The following LRRC4C variants were observed in gnomAD, a reference collection of about 807,000 sequenced individuals.
LRRC4C encodes leucine rich repeat containing 4C.
A neutral mutation model predicts 33.6 loss-of-function variants in LRRC4C; 5 were observed. The ratio of observed to expected loss-of-function variants is 0.15; its 90% CI spans 0.08 to 0.31. LRRC4C has a LOEUF of 0.31. Among genes scored for constraint, LRRC4C ranks in the 10% least tolerant of loss-of-function variants. The pLI is 1.00. For missense variants in LRRC4C, 560 were observed against 796.7 expected, an observed-to-expected ratio of 0.70 and a Z score of 3.58; for synonymous variants, 329 against 302.0, an observed-to-expected ratio of 1.09 and a Z score of -0.93.
At chr11:41,080,492 C>T (rs1939492921) in intron 1 of LRRC4C, among the ~76,000 whole-genome samples, 1 of 151,988 alleles carries the variant, frequency 6.6e-6, no homozygotes, top group African/African-American at 2.4e-5. Context: ...GCTGGGATTA[C>T]AGGCATGTGC....
chr11:41,248,505 C>T (rs1003399333), intron 1 of LRRC4C, among the ~76,000 whole-genome samples: 6 of 152,176 alleles, frequency 3.9e-5, no homozygotes, highest in Admixed American at 6.5e-5. Context: ...TCAGGAGGGT[C>T]CTTTGAATGG....
chr11:40,521,808 G>A (rs1259309215), intron 3 of LRRC4C, among the ~76,000 whole-genome samples: 3 of 152,092 alleles, frequency 2.0e-5, no homozygotes, highest in Non-Finnish European at 4.4e-5. Flanking sequence ...GCTGGAAATT[G>A]CAGGGAGCTG....
Position 41,268,850 on chromosome 11 carries a change from A to G in LRRC4C, c.-496+190581T>C, listed in dbSNP as rs137986275. On this transcript the variant is annotated intron_variant, in intron 1 of 6. Coordinates refer to ENST00000528697, the MANE Select transcript of LRRC4C (RefSeq NM_001258419.2). ...ATGCTCTTCAGACACTTGTTTTGATAGAATCATAGATAGCTAAAGAAAAAA... is the reference window on the plus strand; with the variant it reads ...ATGCTCTTCAGACACTTGTTTTGATGGAATCATAGATAGCTAAAGAAAAAA... Among the ~76,000 whole-genome samples the G allele has an allele frequency of 5.6e-3, 858 of 151,888 alleles. 7 individuals are homozygous for G. Among genetic ancestry groups the G allele is most frequent in the South Asian group, 0.016 (78 of 4,802 alleles).
chr11:40,475,722 T>C (rs144545441), intron 3 of LRRC4C, among the ~76,000 whole-genome samples: 2 of 152,228 alleles, frequency 1.3e-5, no homozygotes, highest in Non-Finnish European at 2.9e-5. Context: ...ACAATTGATA[T>C]TTATACAACT....
chr11:40,985,385 TATC>T (rs1246844456), intron 1 of LRRC4C, among the ~76,000 whole-genome samples: 1 of 152,144 alleles, frequency 6.6e-6, no homozygotes, highest in African/African-American at 2.4e-5. Context: ...AAAAGTACCT[TATC>T]ATAACTATGG....
At chr11:40,422,214 G>A (rs534262340) in intron 3 of LRRC4C, among the ~76,000 whole-genome samples, 1 of 152,208 alleles carries the variant, frequency 6.6e-6, no homozygotes, top group South Asian at 2.1e-4. Flanking sequence ...CACAAGAAAT[G>A]AAGTGTTCCA....
intron 6 of LRRC4C, among the ~76,000 whole-genome samples, chr11:40,122,541 G>T (rs972360344): frequency 2.6e-5 from 4 of 152,020 alleles, no homozygotes; most frequent in African/African-American, 4.8e-5. Context: ...GTCAAACTTC[G>T]AATTCTTAAT....
intron 2 of LRRC4C, among the ~76,000 whole-genome samples, chr11:40,757,515 GT>G (rs1441129278): frequency 2.7e-5 from 4 of 149,994 alleles, no homozygotes; most frequent in African/African-American, 9.8e-5. Context: ...ATTTGTTTTT[GT>G]TTTGTTTTGT....
At chr11:40,728,796 T>C (rs1439325413) in intron 2 of LRRC4C, among the ~76,000 whole-genome samples, 3 of 152,112 alleles carry the variant, frequency 2.0e-5, no homozygotes, top group Non-Finnish European at 4.4e-5. Context: ...GAATAATACA[T>C]AGCCATAAAA....
intron 1 of LRRC4C, among the ~76,000 whole-genome samples, chr11:40,961,455 T>A (rs1183516564): frequency 6.6e-6 from 1 of 151,702 alleles, no homozygotes; most frequent in African/African-American, 2.4e-5. Context: ...ATTGCAAACT[T>A]CCCAATATCA....
chr11:41,292,558 A>G (rs1701654354), intron 1 of LRRC4C, among the ~76,000 whole-genome samples: 1 of 152,028 alleles, frequency 6.6e-6, no homozygotes, highest in Admixed American at 6.6e-5. Context: ...TATTTTAAAT[A>G]CAATATAATA....
At chr11:40,746,891 G>A (rs1274170446) in intron 2 of LRRC4C, among the ~76,000 whole-genome samples, 1 of 152,180 alleles carries the variant, frequency 6.6e-6, no homozygotes, top group African/African-American at 2.4e-5. Context: ...CAATGTTAAT[G>A]TGTACTGCTC....
At chr11:40,567,934 C>T (rs1265417375) in intron 3 of LRRC4C, among the ~76,000 whole-genome samples, 1 of 152,104 alleles carries the variant, frequency 6.6e-6, no homozygotes, top group Non-Finnish European at 1.5e-5. Context: ...TCTTCAAAGT[C>T]TGGTTAAAAT....
chr11:40,425,958 C>G (rs1950695769), intron 3 of LRRC4C, among the ~76,000 whole-genome samples: 1 of 151,660 alleles, frequency 6.6e-6, no homozygotes, highest in South Asian at 2.1e-4. Flanking sequence ...CAACTCTATG[C>G]TAAGTACTGT....
rs149135870 is a variant in LRRC4C, at chr11:40,846,109, T to G, written c.-407+87526A>C. On this transcript the variant is annotated intron_variant, in intron 2 of 6. Transcript: ENST00000528697. ...TGTCAGATGGACAGATTGCAAAAAT[T>G]TTCTCCCATTCTGTAGGTTGCCTGT... Among the ~76,000 whole-genome samples, 779 of 152,188 alleles carry G rather than the reference T, an allele frequency of 5.1e-3. 6 individuals carry two copies. The highest frequency in any genetic ancestry group is 0.018 in the African/African-American group (739 of 41,540).
intron 2 of LRRC4C, among the ~76,000 whole-genome samples, chr11:40,717,168 A>C (rs1946769200): frequency 6.6e-6 from 1 of 152,120 alleles, no homozygotes; most frequent in Non-Finnish European, 1.5e-5. Context: ...GGTGAGGGCA[A>C]ATTCCGTTTA....
At chr11:40,483,189 C>T (rs977536423) in intron 3 of LRRC4C, among the ~76,000 whole-genome samples, 7 of 152,140 alleles carry the variant, frequency 4.6e-5, no homozygotes, top group South Asian at 4.1e-4. Context: ...GAGAAAATCT[C>T]GAGGAGCACT....
intron 3 of LRRC4C, among the ~76,000 whole-genome samples, chr11:40,540,150 CTAT>C (rs1349348132): frequency 6.6e-6 from 1 of 152,186 alleles, no homozygotes; most frequent in East Asian, 1.9e-4. Flanking sequence ...ACCAACTCTA[CTAT>C]TCAGTGCTTT....
chr11:40,547,195 A>C (rs1290174982), intron 3 of LRRC4C, among the ~76,000 whole-genome samples: 1 of 152,140 alleles, frequency 6.6e-6, no homozygotes, highest in Non-Finnish European at 1.5e-5. Flanking sequence ...AGCTGAGAGC[A>C]CCAGATAACT....
Sources: allele counts gnomAD v4.1 joint callset (sites outside exome capture counted in the v4.1 genomes callset), GRCh38; gene constraint gnomAD v4.1.1; transcripts MANE v1.5; gene names NCBI Gene and HGNC (gene_info 2026-07-23, HGNC 2026-07-21).